TMEM132D: variants seen among roughly 807,000 people sequenced by gnomAD.
TMEM132D encodes the protein transmembrane protein 132D, also known as mature OL transmembrane protein.
TMEM132D carries 21 observed loss-of-function variants against 62.3 expected under a neutral mutation model. The observed-to-expected ratio is 0.34, with a 90% CI of 0.24 to 0.49. TMEM132D has a LOEUF of 0.49. TMEM132D is among the 20% of genes least tolerant of loss of function. TMEM132D has a pLI of 0.99. For synonymous variants in TMEM132D, 621 were observed against 575.6 expected, an observed-to-expected ratio of 1.08 and a Z score of -1.13; for missense variants, 1,346 against 1,402.8, an observed-to-expected ratio of 0.96 and a Z score of 0.65.
At chr12:129,581,380 T>C (rs1593074579) in intron 2 of TMEM132D, among the ~76,000 whole-genome samples, 1 of 152,174 alleles carries the variant, frequency 6.6e-6, no homozygotes, top group Non-Finnish European at 1.5e-5. Flanking sequence ...TTAAGGAGTA[T>C]TGACTCATAT....
At chr12:129,411,124 T>C (rs1009555867) in intron 3 of TMEM132D, among the ~76,000 whole-genome samples, 6 of 152,222 alleles carry the variant, frequency 3.9e-5, no homozygotes, top group African/African-American at 1.4e-4. Context: ...TGCTTTTTAA[T>C]GTTTCCCATT....
At chr12:129,529,432 C>T (rs536530054) in intron 3 of TMEM132D, among the ~76,000 whole-genome samples, 1 of 152,298 alleles carries the variant, frequency 6.6e-6, no homozygotes, top group South Asian at 2.1e-4. Context: ...GGGAAGGAGC[C>T]ACCATTGGGC....
chr12:129,093,914 A>C (rs1054730673), intron 5 of TMEM132D, among the ~76,000 whole-genome samples: 2 of 152,024 alleles, frequency 1.3e-5, no homozygotes, highest in African/African-American at 4.8e-5. Context: ...AAACCTGATA[A>C]AAACAAGCAA....
intron 3 of TMEM132D, among the ~76,000 whole-genome samples, chr12:129,450,062 GGTTT>G (rs1282013420): frequency 5.9e-5 from 9 of 151,946 alleles, no homozygotes; most frequent in Non-Finnish European, 1.3e-4. Flanking sequence ...CTTCTGCACG[GGTTT>G]TTTTCTCGTA....
intron 3 of TMEM132D, among the ~76,000 whole-genome samples, chr12:129,478,993 T>A (rs746071177): frequency 7.2e-5 from 11 of 152,242 alleles, no homozygotes; most frequent in Non-Finnish European, 8.8e-5. Flanking sequence ...GCAGAATTAA[T>A]TGTTCCCTCC....
intron 2 of TMEM132D, among the ~76,000 whole-genome samples, chr12:129,579,665 C>T (rs1403241950): frequency 6.6e-6 from 1 of 152,192 alleles, no homozygotes; most frequent in South Asian, 2.1e-4. Context: ...AAATCTGCTC[C>T]TTCTATCTTC....
At chr12:129,247,011 AC>A (rs1212260996) in intron 4 of TMEM132D, among the ~76,000 whole-genome samples, 1 of 152,182 alleles carries the variant, frequency 6.6e-6, no homozygotes, top group Non-Finnish European at 1.5e-5. Flanking sequence ...AGGTATGAAA[AC>A]TGTACCAGCT....
chr12:129,228,236 G>A (rs1333866993), intron 4 of TMEM132D, among the ~76,000 whole-genome samples: 2 of 152,096 alleles, frequency 1.3e-5, no homozygotes, highest in Non-Finnish European at 2.9e-5. Context: ...GGTGGGGAGT[G>A]GTGCGGAACC....
rs779654730 is a variant in TMEM132D at position 129,084,557 on chromosome 12, A to G, written c.1589T>C (p.Val530Ala). 6.2e-6 allele frequency: 10 copies of G among 1,613,254 alleles called. No homozygotes were observed. Among genetic ancestry groups the G allele is most frequent in the Admixed American group, 1.7e-5 (1 of 59,888 alleles). ...GATCTGATTGAGCTCGGTGTCGGAG[A>G]CCTCGATCTGCAGCGGAAGCCGGGG... is the stretch of plus-strand genomic sequence containing the variant. ...WVPRLPLQIE[V>A]SDTELNQIKG... The change falls in exon 6 of 9, where the codon GTC becomes GCC. Residue 530 changes from valine (V) to alanine (A), a missense_variant. By Grantham distance (64) the Val-to-Ala change is moderately conservative. Transcript: ENST00000422113.
At chr12:129,449,931 A>T (rs34510523) in intron 3 of TMEM132D, among the ~76,000 whole-genome samples, 1 of 151,960 alleles carries the variant, frequency 6.6e-6, no homozygotes, top group Non-Finnish European at 1.5e-5. Flanking sequence ...TGACTCTAAA[A>T]GAGTTTCATT....
chr12:129,238,996 G>GGT (rs374959544), intron 4 of TMEM132D, among the ~76,000 whole-genome samples: 9 of 133,040 alleles, frequency 6.8e-5, no homozygotes, highest in South Asian at 2.3e-4. Flanking sequence ...GTTATTTTCT[G>GGT]TTTTTTTTTT....
intron 4 of TMEM132D, among the ~76,000 whole-genome samples, chr12:129,317,277 G>C (rs568373286): frequency 6.7e-4 from 102 of 152,212 alleles, no homozygotes; most frequent in African/African-American, 2.3e-3. Flanking sequence ...TTTTGATGTG[G>C]TTCCAGGATT....
intron 4 of TMEM132D, among the ~76,000 whole-genome samples, chr12:129,331,511 C>A (rs1869104873): frequency 6.6e-6 from 1 of 152,120 alleles, no homozygotes; most frequent in Admixed American, 6.5e-5. Flanking sequence ...AGACCCAAAG[C>A]AAAATGAGAA....
chr12:129,779,387 C>T lies in TMEM132D; in HGVS notation c.80-78689G>A, dbSNP rs1039228855. ...CACTACAACCTCCACTTCCTGGGTT[C>T]AGGTGATCCTCCCACCTCAGCCTCC... On this transcript the variant is annotated intron_variant, in intron 1 of 8. Transcript: ENST00000422113. This position sits in a 1 kb window ranked among gnomAD's most constrained non-coding sequence, Gnocchi z 4.1. Among the ~76,000 whole-genome samples, 6 of 152,210 alleles carry T rather than the reference C, an allele frequency of 3.9e-5. No individual in the cohort carries two copies. Among genetic ancestry groups the T allele is most frequent in the African/African-American group, 1.2e-4 (5 of 41,460 alleles).
At chr12:129,291,447 C>T (rs1223611777) in intron 4 of TMEM132D, among the ~76,000 whole-genome samples, 2 of 152,152 alleles carry the variant, frequency 1.3e-5, no homozygotes, top group Non-Finnish European at 2.9e-5. Flanking sequence ...CTCCTGTTTT[C>T]TTCTTGTTCT....
At chr12:129,811,778 A>AC (rs1872191190) in intron 1 of TMEM132D, among the ~76,000 whole-genome samples, 1 of 151,486 alleles carries the variant, frequency 6.6e-6, no homozygotes, top group East Asian at 1.9e-4. Context: ...GATGGAGGGG[A>AC]CCCCAGGAGA....
chr12:129,449,917 AT>A (rs1348500162), intron 3 of TMEM132D, among the ~76,000 whole-genome samples: 2 of 152,170 alleles, frequency 1.3e-5, no homozygotes, highest in African/African-American at 4.8e-5. Flanking sequence ...TTCAAAAACA[AT>A]TTTGACTCTA....
At chr12:129,228,163 A>T (rs1269214552) in intron 4 of TMEM132D, among the ~76,000 whole-genome samples, 4 of 152,038 alleles carry the variant, frequency 2.6e-5, no homozygotes, top group African/African-American at 9.7e-5. Flanking sequence ...CCATTGACCT[A>T]AGGTTGTTAG....
chr12:129,119,967 A>C (rs1366606580), intron 5 of TMEM132D, among the ~76,000 whole-genome samples: 1 of 152,152 alleles, frequency 6.6e-6, no homozygotes, highest in Admixed American at 6.5e-5. Flanking sequence ...GTCACGTGTC[A>C]ACTGTGAAAA....
Sources: gnomAD v4.1 joint callset for allele counts (sites outside exome capture counted in the v4.1 genomes callset) on GRCh38, gnomAD v4.1.1 for gene constraint, Gnocchi (gnomAD v3.1) non-coding constraint, MANE v1.5 for transcripts, NCBI Gene and HGNC (gene_info 2026-07-23, HGNC 2026-07-21) for gene names.